Variants in DLG2 observed in about 807,000 individuals in gnomAD.
DLG2 encodes discs large MAGUK scaffold protein 2, also known as disks large homolog 2.
In DLG2, 45 loss-of-function variants were observed where a neutral mutation model predicts 132.5. The observed-to-expected ratio is 0.34, with a 90% CI of 0.27 to 0.44. The LOEUF is 0.44. DLG2 is among the 20% of genes least tolerant of loss of function. The probability of loss-of-function intolerance (pLI) is 1.00; values close to 1 mark genes in which losing one functional copy is unlikely to be tolerated. For missense variants in DLG2, 1,045 were observed against 1,196.9 expected (o/e 0.87, Z 1.87); for synonymous variants, 424 against 419.6 (o/e 1.01, Z -0.13).
chr11:85,251,916 T>TTA (rs1357772362), intron 4 of DLG2, among the ~76,000 whole-genome samples: 20 of 152,310 alleles, frequency 1.3e-4, no homozygotes, highest in African/African-American at 4.1e-4. Flanking sequence ...ATTGGTAATT[T>TTA]TATATTCTTT....
intron 3 of DLG2, among the ~76,000 whole-genome samples, chr11:85,375,631 C>G (rs1227724473): frequency 6.6e-6 from 1 of 152,162 alleles, no homozygotes; most frequent in Non-Finnish European, 1.5e-5. Context: ...TTCAGTACTC[C>G]TTTGTAAGTA....
chr11:84,553,267 T>G (rs1180936995), intron 6 of DLG2, among the ~76,000 whole-genome samples: 2 of 152,208 alleles, frequency 1.3e-5, no homozygotes, highest in Non-Finnish European at 2.9e-5. Context: ...ATCCCTCATT[T>G]CACTGAGCAC....
chr11:83,965,692 A>G (rs1215565111), intron 12 of DLG2, among the ~76,000 whole-genome samples: 1 of 152,012 alleles, frequency 6.6e-6, no homozygotes, highest in Admixed American at 6.6e-5. Context: ...GATATACAGT[A>G]ATGGAATTCA....
At chr11:83,947,170 T>C (rs2084212639) in intron 14 of DLG2, among the ~76,000 whole-genome samples, 1 of 152,220 alleles carries the variant, frequency 6.6e-6, no homozygotes, top group African/African-American at 2.4e-5. Context: ...TTTTAAAGTT[T>C]ATGATACCTG....
chr11:84,258,212 C>T (rs1418008691), intron 7 of DLG2, among the ~76,000 whole-genome samples: 1 of 152,052 alleles, frequency 6.6e-6, no homozygotes, highest in Non-Finnish European at 1.5e-5. Context: ...TTTGAGCAAG[C>T]CCCAAATAAA....
chr11:85,376,220 G>C (rs1227405589), intron 3 of DLG2, among the ~76,000 whole-genome samples: 2 of 152,200 alleles, frequency 1.3e-5, no homozygotes, highest in Non-Finnish European at 2.9e-5. Context: ...TAGGAATATA[G>C]AGGGAGGAGA....
At chr11:83,793,100 T>C (rs1307860390) in intron 17 of DLG2, among the ~76,000 whole-genome samples, 1 of 152,160 alleles carries the variant, frequency 6.6e-6, no homozygotes, top group Admixed American at 6.5e-5. Context: ...TTTTATTTAT[T>C]TTGCTTTTTT....
chr11:85,350,477 C>T, intron 3 of DLG2, among the ~76,000 whole-genome samples: 1 of 152,136 alleles, frequency 6.6e-6, no homozygotes, highest in East Asian at 1.9e-4. Flanking sequence ...TCATGAAGTC[C>T]TTGCCCATGC....
In DLG2 at chr11:83,886,175, C is replaced by T. The variant is rs1448321926; in HGVS notation, c.1497-11687G>A. Among the ~76,000 whole-genome samples, 7 of 152,208 alleles carry T rather than the reference C, an allele frequency of 4.6e-5. 1 individual carries two copies. Among genetic ancestry groups the T allele is most frequent in the Middle Eastern group, 3.4e-3 (1 of 294 alleles). Reference sequence around the variant, plus strand: ...TGGCAAATTGGATAAAGAGTCAAGACCCATCAGTGTGCTGTATTCAGGAAA... The same window carrying T: ...TGGCAAATTGGATAAAGAGTCAAGATCCATCAGTGTGCTGTATTCAGGAAA... On this transcript the variant is annotated intron_variant, in intron 15 of 27. Coordinates refer to ENST00000376104, the MANE Select transcript of DLG2 (RefSeq NM_001142699.3).
chr11:84,591,760 G>A (rs1420469893), intron 6 of DLG2, among the ~76,000 whole-genome samples: 1 of 152,152 alleles, frequency 6.6e-6, no homozygotes, highest in Non-Finnish European at 1.5e-5. Context: ...AGAATTACCT[G>A]GGAAGCATTT....
intron 18 of DLG2, among the ~76,000 whole-genome samples, chr11:83,639,344 G>A (rs1840002701): frequency 6.6e-6 from 1 of 152,078 alleles, no homozygotes; most frequent in Admixed American, 6.5e-5. Context: ...AGTATTCCAT[G>A]GTGTATATGT....
chr11:85,506,263 G>C (rs914694200), intron 3 of DLG2, among the ~76,000 whole-genome samples: 1 of 152,118 alleles, frequency 6.6e-6, no homozygotes, highest in African/African-American at 2.4e-5. Flanking sequence ...GCTAGCTTTT[G>C]AATGTGTTTG....
chr11:83,737,877 C>CA (rs2092115734), intron 18 of DLG2, among the ~76,000 whole-genome samples: 1 of 152,128 alleles, frequency 6.6e-6, no homozygotes, highest in Non-Finnish European at 1.5e-5. Flanking sequence ...TCTGTACTTG[C>CA]AATTTTCCTG....
chr11:83,788,986 T>C (rs1472299968), intron 17 of DLG2, among the ~76,000 whole-genome samples: 2 of 152,234 alleles, frequency 1.3e-5, no homozygotes, highest in Non-Finnish European at 2.9e-5. Context: ...CTTTACAATT[T>C]TTTAATGTAA....
intron 18 of DLG2, among the ~76,000 whole-genome samples, chr11:83,657,653 C>T (rs976399187): frequency 6.7e-6 from 1 of 150,374 alleles, no homozygotes; most frequent in African/African-American, 2.5e-5. Flanking sequence ...ATTCTCCTGC[C>T]TCAGCCTCCC....
chr11:84,467,424 A>G (rs1055262142), intron 7 of DLG2, among the ~76,000 whole-genome samples: 3 of 151,490 alleles, frequency 2.0e-5, no homozygotes, highest in Admixed American at 1.3e-4. Flanking sequence ...ACAGAATTAG[A>G]AGAAGCAAGC....
At chr11:84,718,314 G>A (rs555256992) in intron 6 of DLG2, among the ~76,000 whole-genome samples, 1 of 152,058 alleles carries the variant, frequency 6.6e-6, no homozygotes, top group African/African-American at 2.4e-5. Context: ...CATGACATAG[G>A]TGTTTCACTC....
In DLG2 at chr11:85,142,017, C is replaced by T. The variant is rs574363192; in HGVS notation, c.282+12539G>A. ...TCCTCCAGCTTTGTTCTTTTTGTTG[C>T]CCATGATGGCTTTGGCTATCCTGGG... On this transcript the variant is annotated intron_variant, in intron 5 of 27. Transcript: ENST00000376104. 2.8e-4 allele frequency among the ~76,000 whole-genome samples: 43 copies of T among 151,694 alleles called. 1 individual carries two copies. The highest frequency in any genetic ancestry group is 9.2e-4 in the Admixed American group (14 of 15,206).
intron 6 of DLG2, among the ~76,000 whole-genome samples, chr11:84,931,434 T>G (rs1319772379): frequency 2.6e-5 from 4 of 152,178 alleles, no homozygotes; most frequent in South Asian, 4.1e-4. Context: ...TTTCTATTCC[T>G]GTGTTAGTTT....
Sources: allele counts gnomAD v4.1 joint callset (sites outside exome capture counted in the v4.1 genomes callset), GRCh38; gene constraint gnomAD v4.1.1; transcripts MANE v1.5; gene names NCBI Gene and HGNC (gene_info 2026-07-23, HGNC 2026-07-21).